Variants in CTPS2 observed in about 807,000 individuals in gnomAD.
The protein encoded by CTPS2 is CTP synthase II.
In CTPS2, 19 loss-of-function variants were observed where a neutral mutation model predicts 46.8. The observed-to-expected ratio is 0.41, with a 90% CI of 0.28 to 0.60. The LOEUF is 0.60. CTPS2 is among the 20% of genes least tolerant of loss of function. The pLI, the probability that CTPS2 is intolerant of heterozygous loss-of-function variation, is 0.35. For synonymous variants in CTPS2, 151 were observed against 165.2 expected (o/e 0.91, Z 0.66); for missense variants, 286 against 447.6 (o/e 0.64, Z 3.26).
intron 13 of CTPS2, among the ~76,000 whole-genome samples, chrX:16,656,436 G>T (rs1251104118): frequency 9.5e-6 from 1 of 105,281 alleles, no homozygotes; most frequent in African/African-American, 3.5e-5. Context: ...TTGAGACGAA[G>T]TCTCGCTCTG....
intron 1 of CTPS2, among the ~76,000 whole-genome samples, chrX:16,704,896 C>T (rs375781034): frequency 4.5e-5 from 5 of 111,108 alleles, no homozygotes; most frequent in Non-Finnish European, 7.5e-5. Flanking sequence ...TGCAGTGAGC[C>T]GAGATCAGGC....
intron 14 of CTPS2, among the ~76,000 whole-genome samples, chrX:16,635,446 G>T (rs1931695572): frequency 8.9e-6 from 1 of 111,961 alleles, no homozygotes; most frequent in South Asian, 3.7e-4. Flanking sequence ...GCTGAGGCGG[G>T]TAGATCACTT....
chrX:16,649,302 T>A (rs1035966118), intron 13 of CTPS2, among the ~76,000 whole-genome samples: 1 of 112,313 alleles, frequency 8.9e-6, no homozygotes, highest in South Asian at 3.6e-4. Flanking sequence ...TACTCAATAT[T>A]GATTTGCCAA....
chrX:16,620,927 T>C (rs985514316), intron 14 of CTPS2, among the ~76,000 whole-genome samples: 1 of 112,221 alleles, frequency 8.9e-6, no homozygotes, highest in Non-Finnish European at 1.9e-5. Context: ...TCAGAATTTA[T>C]CCCAGAAAAT....
Position 16,590,798 on chromosome X carries a change from TTA to T in CTPS2, c.1754_1755del (p.Ile585LysfsTer4). On this transcript the variant is annotated frameshift_variant, in exon 18 of 19. Transcript: ENST00000359276. LOFTEE classifies it high-confidence loss of function. ...FSEPRIAELE[I>X]S ...TTCCCAGTCATGTATTCATTTCAGC[TTA>T]TTTCCAACTCAGCTATCCTTGGCTC... 1 of 1,192,696 alleles carries T rather than the reference TTA, an allele frequency of 8.4e-7. No individual in the cohort carries two copies. Among genetic ancestry groups the T allele is most frequent in the Non-Finnish European group, 1.1e-6 (1 of 878,696 alleles).
At chrX:16,703,313 C>T (rs1924726749) in intron 1 of CTPS2, among the ~76,000 whole-genome samples, 1 of 108,649 alleles carries the variant, frequency 9.2e-6, no homozygotes, top group Non-Finnish European at 1.9e-5. Flanking sequence ...AGGCATGAGC[C>T]ACCGCACCTA....
Position 16,639,342 on chromosome X carries a change from G to A in CTPS2, c.1297-99C>T. 6.4e-6 allele frequency: 4 copies of A among 626,496 alleles called. No homozygotes were observed. The South Asian group carries it at 9.5e-5, about 15-fold the overall frequency. 51.6% of individuals were successfully genotyped at this position (626,496 alleles called of 1,213,427 possible). A position where few individuals can be genotyped will look rare whatever the true frequency, so the allele number is the denominator to read the frequency against. On this transcript the variant is annotated intron_variant, in intron 13 of 18. Transcript: ENST00000359276. ...AAAGGAATGATCATTGGGTAAGCAT[G>A]GTCCCTAAACTATAACATTTGATCA...
intron 13 of CTPS2, among the ~76,000 whole-genome samples, chrX:16,651,973 C>G (rs1932664428): frequency 9.4e-6 from 1 of 106,451 alleles, no homozygotes; most frequent in Non-Finnish European, 1.9e-5. Flanking sequence ...AGATTGGGCT[C>G]AACTCCAGAA....
intron 16 of CTPS2, among the ~76,000 whole-genome samples, chrX:16,612,772 G>A (rs185096626): frequency 1.5e-4 from 17 of 112,297 alleles, no homozygotes; most frequent in African/African-American, 5.5e-4. Context: ...GCAGAAGGAG[G>A]TAACCAACTG....
chrX:16,692,282 AC>A (rs1569233547), intron 6 of CTPS2, among the ~76,000 whole-genome samples: 78 of 101,414 alleles, frequency 7.7e-4, no homozygotes, highest in African/African-American at 1.9e-3. Context: ...GTCTCTACAA[AC>A]ACACACACAC....
intron 17 of CTPS2, among the ~76,000 whole-genome samples, chrX:16,596,291 C>T (rs1337868596): frequency 9.1e-6 from 1 of 109,398 alleles, no homozygotes; most frequent in Admixed American, 9.8e-5. Flanking sequence ...GCTGCACCCA[C>T]TAACTCGTCG....
chrX:16,622,680 A>G (rs1930908573), intron 14 of CTPS2, among the ~76,000 whole-genome samples: 1 of 111,652 alleles, frequency 9.0e-6, no homozygotes, highest in East Asian at 2.8e-4. Context: ...CAAGGGGACT[A>G]GCAGGATATC....
chrX:16,606,246 G>T (rs1193345034), intron 17 of CTPS2, among the ~76,000 whole-genome samples: 1 of 112,114 alleles, frequency 8.9e-6, no homozygotes, highest in Non-Finnish European at 1.9e-5. Flanking sequence ...CATTGTTTAG[G>T]GTTGATTACA....
In CTPS2 at chrX:16,639,854, AAAAG is replaced by A. The variant is rs1284754662; in HGVS notation, c.1297-615_1297-612del. Among the ~76,000 whole-genome samples, 4 of 111,438 alleles carry A rather than the reference AAAAG, an allele frequency of 3.6e-5. No homozygotes were observed. The South Asian group carries it at 1.1e-3, about 32-fold the overall frequency. ...GAAGAAAAGAAAAGGAAAAGAAAAG[AAAAG>A]AAAGAAAGAAGTATCATCCAGTCTA... is the stretch of plus-strand genomic sequence containing the variant. On this transcript the variant is annotated intron_variant, in intron 13 of 18. Coordinates refer to ENST00000359276, the MANE Select transcript of CTPS2 (RefSeq NM_175859.3).
At chrX:16,672,987 T>C (rs7064113) in intron 10 of CTPS2, among the ~76,000 whole-genome samples, 10,383 of 98,853 alleles carry the variant, frequency 0.11, 972 homozygotes, top group African/African-American at 0.27. Context: ...CCCGGGTTCA[T>C]GCCATTCTCC....
rs959092808 is a variant in CTPS2, at chrX:16,683,466, G to A, written c.873-240C>T. On this transcript the variant is annotated intron_variant, in intron 8 of 18. Coordinates refer to ENST00000359276, the MANE Select transcript of CTPS2 (RefSeq NM_175859.3). ...ATACAAAAATTAGCCAGGCGTGGTG[G>A]GGCATGCCTACAATCCCAGCTACTC... 1.4e-4 allele frequency among the ~76,000 whole-genome samples: 16 copies of A among 110,951 alleles called. No individual in the cohort carries two copies. The South Asian group carries it at 2.3e-3, about 16-fold the overall frequency.
At chrX:16,637,237 T>G (rs1931800423) in intron 14 of CTPS2, among the ~76,000 whole-genome samples, 1 of 111,067 alleles carries the variant, frequency 9.0e-6, no homozygotes, top group Non-Finnish European at 1.9e-5. Context: ...CATCCAGCAC[T>G]AAGAAAAACA....
At chrX:16,638,884 T>A in intron 14 of CTPS2, 1 of 482,736 alleles carries the variant, frequency 2.1e-6, no homozygotes, top group East Asian at 4.4e-5. Flanking sequence ...AACAGCCCAA[T>A]GAACAGGGAG....
chrX:16,711,269 T>C (rs1335318580), intron 1 of CTPS2, among the ~76,000 whole-genome samples: 1 of 112,229 alleles, frequency 8.9e-6, no homozygotes, highest in Non-Finnish European at 1.9e-5. Flanking sequence ...AATGTAAGAA[T>C]GTATTAGTGA....
Sources: allele counts gnomAD v4.1 joint callset (sites outside exome capture counted in the v4.1 genomes callset), GRCh38; gene constraint gnomAD v4.1.1; transcripts MANE v1.5; gene names NCBI Gene and HGNC (gene_info 2026-07-23, HGNC 2026-07-21).